XIRP2: variants seen among roughly 807,000 people sequenced by gnomAD.
XIRP2 encodes xin actin binding repeat containing 2.
XIRP2 carries 236 observed loss-of-function variants against 277.0 expected under a neutral mutation model. The observed-to-expected ratio is 0.85, with a 90% CI of 0.77 to 0.95. The LOEUF (loss-of-function observed/expected upper bound fraction) is 0.95. XIRP2 is among the 40% of genes least tolerant of loss of function. The pLI is 0.00. For missense variants in XIRP2, 4,640 were observed against 4,157.5 expected (o/e 1.12, Z -3.19); for synonymous variants, 1,490 against 1,416.5 (o/e 1.05, Z -1.17).
At position 167,243,173 on chromosome 2, in the gene XIRP2, CT is replaced by C; in HGVS notation, c.1782del (p.Asp595MetfsTer20). ...QPLDSINNGS[P>X]DEGDISRGIA... ...TTGGATTCCATCAACAATGGCTCTC[CT>C]GATGAAGGTGATATTTCCAGGGGCA... On this transcript the variant is annotated frameshift_variant, in exon 9 of 11. Coordinates refer to ENST00000409195, the MANE Select transcript of XIRP2 (RefSeq NM_152381.6). LOFTEE classifies it high-confidence loss of function. 1.9e-6 allele frequency: 3 copies of C among 1,614,128 alleles called. No individual in the cohort carries two copies. The highest frequency in any genetic ancestry group is 2.5e-6 in the Non-Finnish European group (3 of 1,179,994).
chr2:167,084,917 AG>A (rs1449773230), intron 2 of XIRP2, among the ~76,000 whole-genome samples: 1 of 150,776 alleles, frequency 6.6e-6, no homozygotes. Flanking sequence ...AATTTTTTGA[AG>A]GGTTTTTTTG....
chr2:166,952,987 T>A (rs539879292), intron 2 of XIRP2, among the ~76,000 whole-genome samples: 33 of 152,106 alleles, frequency 2.2e-4, no homozygotes, highest in Admixed American at 1.3e-3. Flanking sequence ...TATACAAAAT[T>A]ATTATTGCAG....
At chr2:167,095,971 T>G (rs531013932) in intron 2 of XIRP2, among the ~76,000 whole-genome samples, 3 of 148,890 alleles carry the variant, frequency 2.0e-5, no homozygotes, top group Non-Finnish European at 3.0e-5. Context: ...CCTCCCAGGT[T>G]CATGCCATTC....
chr2:167,187,153 C>G (rs976719631), intron 3 of XIRP2: 7 of 703,090 alleles, frequency 1.0e-5, no homozygotes, highest in Non-Finnish European at 1.2e-5. Context: ...GGCTGGTGGT[C>G]GTGGCTGTGG....
At chr2:167,218,336 G>A in intron 5 of XIRP2, 36 bp downstream of exon 5, 5 of 1,377,548 alleles carry the variant, frequency 3.6e-6, no homozygotes, top group Non-Finnish European at 4.7e-6. Flanking sequence ...AATCAGGCAT[G>A]GTTGAAATGC....
chr2:166,941,883 T>C (rs1685729213), intron 2 of XIRP2, among the ~76,000 whole-genome samples: 1 of 152,224 alleles, frequency 6.6e-6, no homozygotes, highest in African/African-American at 2.4e-5. Context: ...AAATCTTTAA[T>C]AGGAGATACC....
chr2:167,249,703 T>C lies in XIRP2; in HGVS notation c.8311T>C (p.Tyr2771His). Residue 2771 changes from tyrosine (Y) to histidine (H), a missense_variant, in exon 9 of 11, where the codon TAT (tyrosine) becomes CAT (histidine). Transcript: ENST00000409195. ...SHKQSLAERHYQLPKKEKRVT... is the reference protein window; with the variant it reads ...SHKQSLAERHHQLPKKEKRVT... ...TAAGCAATCTCTGGCTGAAAGACAT[T>C]ATCAGTTACCTAAGAAGGAGAAAAG... 6.2e-7 allele frequency: 1 copy of C among 1,613,440 alleles called. No homozygotes were observed. Among genetic ancestry groups the C allele is most frequent in the Non-Finnish European group, 8.5e-7 (1 of 1,179,736 alleles).
chr2:167,212,981 T>C (rs1694101320), intron 4 of XIRP2, among the ~76,000 whole-genome samples: 1 of 134,378 alleles, frequency 7.4e-6, no homozygotes, highest in Non-Finnish European at 1.5e-5. Flanking sequence ...ATCTCCACAA[T>C]TAACCCAAAA....
intron 3 of XIRP2, among the ~76,000 whole-genome samples, chr2:167,146,891 A>T (rs1270268110): frequency 1.3e-5 from 2 of 152,158 alleles, no homozygotes; most frequent in African/African-American, 2.4e-5. Context: ...AAGAGAATTT[A>T]AGTTTGAAAA....
rs764552999 is a variant in XIRP2 at position 167,137,317 on chromosome 2, A to G, written c.562+1255A>G. On this transcript the variant is annotated intron_variant, in intron 3 of 10. Coordinates refer to ENST00000409195, the MANE Select transcript of XIRP2 (RefSeq NM_152381.6). ...TTTTGGTATGCCCAATTAATATCCTAATATGATTAGTATCAGTCTTGAGGA... is the reference window on the plus strand; with the variant it reads ...TTTTGGTATGCCCAATTAATATCCTGATATGATTAGTATCAGTCTTGAGGA... 3.9e-5 allele frequency among the ~76,000 whole-genome samples: 6 copies of G among 152,276 alleles called. 1 individual carries two copies. In the Middle Eastern group the frequency reaches 0.02, roughly 518 times the overall value.
intron 2 of XIRP2, among the ~76,000 whole-genome samples, chr2:167,021,666 AAAT>A (rs1399973931): frequency 6.6e-6 from 1 of 151,880 alleles, no homozygotes; most frequent in Non-Finnish European, 1.5e-5. Context: ...TCTCTACAAA[AAAT>A]AAAAAATTAG....
At position 167,243,763 on chromosome 2, in the gene XIRP2, G is replaced by A. The variant is rs1365585542; in HGVS notation, c.2371G>A (p.Val791Ile). 1.2e-6 allele frequency: 2 copies of A among 1,614,036 alleles called. No individual in the cohort carries two copies. Among genetic ancestry groups the A allele is most frequent in the Non-Finnish European group, 1.7e-6 (2 of 1,179,950 alleles). Reference sequence around the variant, plus strand: ...TAACAAAGATATCACAGAAATTAAAGTTGTCCGAGGAATATCCATGGAAGA... The same window carrying A: ...TAACAAAGATATCACAGAAATTAAAATTGTCCGAGGAATATCCATGGAAGA... ...TINKDITEIKVVRGISMEENV... is the reference protein window; with the variant it reads ...TINKDITEIKIVRGISMEENV... Residue 791 changes from valine to isoleucine, a missense_variant, in exon 9 of 11, where the codon GTT (valine) becomes ATT (isoleucine). Coordinates refer to ENST00000409195, the MANE Select transcript of XIRP2 (RefSeq NM_152381.6).
chr2:167,162,554 G>A (rs531932635), intron 3 of XIRP2, among the ~76,000 whole-genome samples: 2 of 152,212 alleles, frequency 1.3e-5, no homozygotes, highest in South Asian at 4.1e-4. Flanking sequence ...CATGGGAAAG[G>A]CCTGCCCACA....
At position 166,903,975 on chromosome 2, in the gene XIRP2, C is replaced by A. The variant is rs1684454335; in HGVS notation, c.408+85C>A. ...TTTATTACTAAGCATGTAATCTTTC[C>A]CCCCGCCAGTATTCTAGACAGATGT... On this transcript the variant is annotated intron_variant, in intron 2 of 10. Transcript: ENST00000409195. 2.8e-6 allele frequency: 4 copies of A among 1,453,236 alleles called. No individual in the cohort carries two copies. The South Asian group carries it at 5.3e-5, about 19-fold the overall frequency. The allele number at this position is 1,453,236 out of a possible 1,614,324, so 90.0% of individuals were successfully genotyped here. A position where few individuals can be genotyped will look rare whatever the true frequency, so the allele number is the denominator to read the frequency against.
At chr2:167,027,416 T>C (rs1688198966) in intron 2 of XIRP2, among the ~76,000 whole-genome samples, 1 of 152,152 alleles carries the variant, frequency 6.6e-6, no homozygotes, top group African/African-American at 2.4e-5. Flanking sequence ...TAATTTTTTT[T>C]CAAAAAGTTT....
chr2:167,201,236 A>AAGGG (rs1693693897), intron 3 of XIRP2, among the ~76,000 whole-genome samples: 2 of 103,864 alleles, frequency 1.9e-5, no homozygotes, highest in African/African-American at 1.2e-4. Context: ...GAAAGAAAGA[A>AAGGG]AGAAAGAAAG....
intron 3 of XIRP2, among the ~76,000 whole-genome samples, chr2:167,180,994 T>C (rs557520865): frequency 1.3e-5 from 2 of 152,366 alleles, no homozygotes; most frequent in African/African-American, 2.4e-5. Context: ...TCCTAACTTG[T>C]GTTTTCAGAT....
intron 2 of XIRP2, among the ~76,000 whole-genome samples, chr2:167,113,658 A>C (rs181308571): frequency 1.3e-5 from 2 of 152,144 alleles, no homozygotes; most frequent in African/African-American, 2.4e-5. Context: ...GTTAGTATTG[A>C]CATGTGTGAT....
chr2:167,189,396 G>A (rs1007061738), intron 3 of XIRP2, among the ~76,000 whole-genome samples: 4 of 152,214 alleles, frequency 2.6e-5, no homozygotes, highest in Admixed American at 1.3e-4. Context: ...TAAGTGCCCA[G>A]CAGTGTAATT....
Sources: gnomAD v4.1 joint callset for allele counts (sites outside exome capture counted in the v4.1 genomes callset) on GRCh38, gnomAD v4.1.1 for gene constraint, MANE v1.5 for transcripts, NCBI Gene and HGNC (gene_info 2026-07-23, HGNC 2026-07-21) for gene names.